The following STRIP1 variants were observed in gnomAD, a reference collection of about 807,000 sequenced individuals.
The protein encoded by STRIP1 is striatin interacting protein 1.
Under a neutral mutation model 106.2 loss-of-function variants are expected in STRIP1, and 63 were observed. The observed-to-expected ratio is 0.59, with a 90% CI of 0.48 to 0.73. The LOEUF (loss-of-function observed/expected upper bound fraction) is 0.73, where lower values mean the gene tolerates loss of function less well. Ranked by LOEUF, STRIP1 falls within the 30% of genes least tolerant of loss-of-function variation. The pLI, the probability that STRIP1 is intolerant of heterozygous loss-of-function variation, is 0.00. For synonymous variants in STRIP1, 390 were observed against 413.0 expected, an observed-to-expected ratio of 0.94 and a Z score of 0.67; for missense variants, 857 against 1,074.8, an observed-to-expected ratio of 0.80 and a Z score of 2.83.
Position 110,039,481 on chromosome 1 carries a change from A to T in STRIP1, c.547A>T (p.Asn183Tyr). 1 of 1,609,910 alleles carries T rather than the reference A, an allele frequency of 6.2e-7. No homozygotes were observed. Among genetic ancestry groups the T allele is most frequent in the Non-Finnish European group, 8.5e-7 (1 of 1,178,166 alleles). ...TCTCCTCCTGGAGGTGGGCACGTTCAATGCTTTGGTGGAGCTTCTGAACAT... is the reference window on the plus strand; with the variant it reads ...TCTCCTCCTGGAGGTGGGCACGTTCTATGCTTTGGTGGAGCTTCTGAACAT... ...IFLLLEVGTF[N>Y]ALVELLNMEI... The change falls in exon 5 of 21, where the codon AAT (asparagine) becomes TAT (tyrosine). Residue 183 changes from asparagine (N) to tyrosine (Y), a missense_variant. By Grantham distance (143) the Asn-to-Tyr change is moderately radical. Transcript: ENST00000369795.
chr1:110,035,805 C>T (rs1652425585), intron 1 of STRIP1, among the ~76,000 whole-genome samples: 1 of 152,184 alleles, frequency 6.6e-6, no homozygotes, highest in South Asian at 2.1e-4. Context: ...TACCTTTAGA[C>T]CTGTGGAATC....
At chr1:110,032,493 A>G (rs190467696), upstream of STRIP1, among the ~76,000 whole-genome samples, 1 of 152,302 alleles carries the variant, frequency 6.6e-6, no homozygotes, top group Admixed American at 6.5e-5. Flanking sequence ...ATAACAACAG[A>G]TAATAGTAAG....
chr1:110,041,972 TA>T (rs937574934), intron 8 of STRIP1, 111 bp downstream of exon 8: 55 of 1,243,264 alleles, frequency 4.4e-5, no homozygotes, highest in Non-Finnish European at 5.3e-5. Context: ...ACTGCTTTGG[TA>T]AAAAAAATTA....
In STRIP1 at chr1:110,039,288, AT is replaced by A; in HGVS notation, c.444del (p.Leu149SerfsTer41). The A allele has an allele frequency of 6.2e-7, 1 of 1,614,160 alleles. No individual in the cohort carries two copies. Among genetic ancestry groups the A allele is most frequent in the Non-Finnish European group, 8.5e-7 (1 of 1,180,028 alleles). On this transcript the variant is annotated frameshift_variant, in exon 4 of 21. Coordinates refer to ENST00000369795, the MANE Select transcript of STRIP1 (RefSeq NM_033088.4). LOFTEE classifies it high-confidence loss of function. The stretch of plus-strand genomic sequence containing the variant: ...GAAGAGACTCAAGGTGGCTCGAGCA[AT>A]TCTCTATGTTGCTCAAGGTATTGAG... ...REKRLKVARA[I>X]LYVAQGTFGE... is the part of the protein sequence containing the mutation.
chr1:110,035,087 G>T (rs1322875823), intron 1 of STRIP1, among the ~76,000 whole-genome samples: 2 of 152,244 alleles, frequency 1.3e-5, no homozygotes, highest in East Asian at 3.9e-4. Flanking sequence ...CTGTGGGCGT[G>T]GCCTCGAGGC....
chr1:110,035,234 C>T (rs983710030), intron 1 of STRIP1, among the ~76,000 whole-genome samples: 2 of 152,198 alleles, frequency 1.3e-5, no homozygotes, highest in Non-Finnish European at 2.9e-5. Context: ...CGGGCTCCAG[C>T]TCCTGGGTCC....
At chr1:110,034,380 C>A (rs1009851260), upstream of STRIP1, among the ~76,000 whole-genome samples, 4 of 152,288 alleles carry the variant, frequency 2.6e-5, no homozygotes, top group African/African-American at 9.6e-5. Context: ...GGTAACTAAA[C>A]TGACTGAAGA....
chr1:110,054,068 A>G lies in STRIP1; in HGVS notation c.*156A>G. ...GTCTGTCCTGGGCTTGGGTGAGCCC[A>G]GCTTGACCTCCCCTTGGTTCCCAGG... On this transcript the variant is annotated 3_prime_UTR_variant, in exon 21 of 21. Coordinates refer to ENST00000369795, the MANE Select transcript of STRIP1 (RefSeq NM_033088.4). The G allele has an allele frequency of 1.5e-5, 13 of 847,906 alleles. No individual in the cohort carries two copies. The highest frequency in any genetic ancestry group is 1.1e-5 in the Non-Finnish European group (6 of 550,784). 52.5% of individuals were successfully genotyped at this position (847,906 alleles called of 1,614,324 possible). A position where few individuals can be genotyped will look rare whatever the true frequency, so the allele number is the denominator to read the frequency against.
intron 20 of STRIP1, 71 bp from the exon 21 acceptor site, chr1:110,053,594 T>C (rs1653399057): frequency 6.3e-7 from 1 of 1,581,222 alleles, no homozygotes; most frequent in African/African-American, 1.3e-5. Flanking sequence ...TCAATATTCC[T>C]GGCCAGTGAA....
At chr1:110,046,639 A>T (rs1653032350) in intron 12 of STRIP1, 41 bp from the exon 13 acceptor site, 2 of 1,588,386 alleles carry the variant, frequency 1.3e-6, no homozygotes, top group Non-Finnish European at 8.6e-7. Context: ...TTGGCCAGAG[A>T]ATGTTTTCCC....
intron 15 of STRIP1, among the ~76,000 whole-genome samples, chr1:110,048,694 A>G (rs1353259678): frequency 6.6e-6 from 1 of 152,238 alleles, no homozygotes; most frequent in African/African-American, 2.4e-5. Flanking sequence ...GAATTAAGAA[A>G]CCAATGTAAC....
intron 1 of STRIP1, 70 bp downstream of exon 1, chr1:110,034,887 T>A: frequency 7.4e-7 from 1 of 1,352,006 alleles, no homozygotes; most frequent in Non-Finnish European, 9.6e-7. Flanking sequence ...CCGGGGCCAC[T>A]CTAGGGGCCA....
Position 110,054,003 on chromosome 1 carries a change from C to G in STRIP1, c.*91C>G. On this transcript the variant is annotated 3_prime_UTR_variant, in exon 21 of 21. Transcript: ENST00000369795. The stretch of plus-strand genomic sequence containing the variant: ...AGTTCATTGCTGCAGTGCTCCCATC[C>G]CCCACCAGGTGGCAGCACAGCCCCA... 1 of 1,502,756 alleles carries G rather than the reference C, an allele frequency of 6.7e-7. No homozygotes were observed. 93.1% of individuals were successfully genotyped at this position (1,502,756 alleles called of 1,614,324 possible). A position where few individuals can be genotyped will look rare whatever the true frequency, so the allele number is the denominator to read the frequency against.
At chr1:110,051,275 TAGA>T (rs1402086491) in intron 19 of STRIP1, among the ~76,000 whole-genome samples, 1 of 152,256 alleles carries the variant, frequency 6.6e-6, no homozygotes, top group Non-Finnish European at 1.5e-5. Flanking sequence ...TCTACATTTA[TAGA>T]AGAACTTTTT....
chr1:110,038,857 C>A, intron 3 of STRIP1, 100 bp downstream of exon 3: 3 of 1,085,356 alleles, frequency 2.8e-6, no homozygotes, highest in Non-Finnish European at 4.1e-6. Context: ...CCTGGAACAG[C>A]CTGAGAAGCC....
At chr1:110,050,262 G>A in intron 17 of STRIP1, 81 bp from the exon 18 acceptor site, 2 of 1,386,156 alleles carry the variant, frequency 1.4e-6, no homozygotes, top group Non-Finnish European at 2.0e-6. Context: ...AGGAAAGCTG[G>A]GAGCTGGCTC....
At chr1:110,035,771 A>G (rs1652423526) in intron 1 of STRIP1, among the ~76,000 whole-genome samples, 2 of 152,238 alleles carry the variant, frequency 1.3e-5, no homozygotes, top group South Asian at 2.1e-4. Context: ...TAATGTACCA[A>G]TTCATACCAA....
Position 110,051,071 on chromosome 1 carries a change from C to T in STRIP1, c.2061+11C>T, listed in dbSNP as rs1653278174. ...CATTCAAGGACAATGGTAAGTGAGT[C>T]AGTGTAGTCAGCAGGCTTGGAACTT... On this transcript the variant is annotated intron_variant, in intron 19 of 20. Coordinates refer to ENST00000369795, the MANE Select transcript of STRIP1 (RefSeq NM_033088.4). 6.5e-7 allele frequency: 1 copy of T among 1,542,186 alleles called. No homozygotes were observed. Among genetic ancestry groups the T allele is most frequent in the Non-Finnish European group, 9.0e-7 (1 of 1,114,342 alleles).
rs1653190372 is a variant in STRIP1, at chr1:110,049,466, T to C, written c.1795T>C (p.Tyr599His). The C allele has an allele frequency of 1.3e-6, 2 of 1,509,148 alleles. No individual in the cohort carries two copies. Among genetic ancestry groups the C allele is most frequent in the African/African-American group, 1.4e-5 (1 of 71,044 alleles). The allele number at this position is 1,509,148 out of a possible 1,614,324, so 93.5% of individuals were successfully genotyped here. A position where few individuals can be genotyped will look rare whatever the true frequency, so the allele number is the denominator to read the frequency against. ...TTTTTCCTGTTGGCTTCAGTTTGAATACATGGCCCAGCACCTGGTGTTTGC... is the reference window on the plus strand; with the variant it reads ...TTTTTCCTGTTGGCTTCAGTTTGAACACATGGCCCAGCACCTGGTGTTTGC... Reference protein sequence around the residue: ...FKLNHVYQFEYMAQHLVFANC... With the variant: ...FKLNHVYQFEHMAQHLVFANC... Residue 599 changes from tyrosine (Y) to histidine (H), a missense_variant, in exon 17 of 21, where the codon TAC becomes CAC. Physicochemically the swap from Tyr to His is moderately conservative, Grantham distance 83. Transcript: ENST00000369795.
Sources: gnomAD v4.1 joint callset for allele counts (sites outside exome capture counted in the v4.1 genomes callset) on GRCh38, gnomAD v4.1.1 for gene constraint, MANE v1.5 for transcripts, NCBI Gene and HGNC (gene_info 2026-07-23, HGNC 2026-07-21) for gene names.